Variants in MAPKAP1 observed in about 807,000 individuals in gnomAD.
MAPKAP1 encodes MAPK associated protein 1, also known as target of rapamycin complex 2 subunit MAPKAP1.
MAPKAP1 carries 20 observed loss-of-function variants against 65.7 expected under a neutral mutation model. The ratio of observed to expected loss-of-function variants is 0.30; its 90% confidence interval spans 0.21 to 0.44. MAPKAP1 has a LOEUF of 0.44. MAPKAP1 is among the 20% of genes least tolerant of loss of function. MAPKAP1 has a pLI of 1.00. For missense variants in MAPKAP1, 423 were observed against 648.0 expected, an observed-to-expected ratio of 0.65 and a Z score of 3.77; for synonymous variants, 222 against 244.3, an observed-to-expected ratio of 0.91 and a Z score of 0.85.
In MAPKAP1 at chr9:125,563,866, C is replaced by T. The variant is rs147663647; in HGVS notation, c.672-4057G>A. Among the ~76,000 whole-genome samples, 271 of 152,312 alleles carry T rather than the reference C, an allele frequency of 1.8e-3. 1 individual carries two copies. The highest frequency in any genetic ancestry group is 2.4e-3 in the Non-Finnish European group (165 of 68,018). On this transcript the variant is annotated intron_variant, in intron 5 of 11. Coordinates refer to ENST00000265960, the MANE Select transcript of MAPKAP1 (RefSeq NM_001006617.3). ...CAAGTGGGATTATAGGTGCCTGCCA[C>T]CACACCTGGCTAATTTTTGTATTTT...
At chr9:125,463,015 G>C (rs993966826) in intron 10 of MAPKAP1, among the ~76,000 whole-genome samples, 2 of 152,194 alleles carry the variant, frequency 1.3e-5, no homozygotes, top group African/African-American at 2.4e-5. Flanking sequence ...CCAAGCTCTG[G>C]TTCAGCTCTA....
At chr9:125,646,740 T>C (rs1301941703) in intron 4 of MAPKAP1, among the ~76,000 whole-genome samples, 1 of 152,226 alleles carries the variant, frequency 6.6e-6, no homozygotes, top group Non-Finnish European at 1.5e-5. Flanking sequence ...ATACCATAAT[T>C]AGGAAGAGAA....
chr9:125,469,693 A>T (rs1853825290), intron 9 of MAPKAP1, among the ~76,000 whole-genome samples: 2 of 152,208 alleles, frequency 1.3e-5, no homozygotes, highest in African/African-American at 4.8e-5. Flanking sequence ...CTATTTCAGG[A>T]ACACCATATT....
intron 11 of MAPKAP1, among the ~76,000 whole-genome samples, chr9:125,442,128 C>CA (rs71492449): frequency 0.52 from 20,058 of 38,574 alleles, 6,423 homozygotes; most frequent in Non-Finnish European, 0.57. Context: ...GACTCTGTCT[C>CA]AAAAAAAAAA....
intron 1 of MAPKAP1, among the ~76,000 whole-genome samples, chr9:125,679,988 T>C (rs1241245322): frequency 6.6e-6 from 1 of 152,236 alleles, no homozygotes; most frequent in African/African-American, 2.4e-5. Context: ...TTTATAAGAC[T>C]GTTAATGGTT....
At chr9:125,683,477 C>T (rs1834883614) in intron 1 of MAPKAP1, among the ~76,000 whole-genome samples, 1 of 152,180 alleles carries the variant, frequency 6.6e-6, no homozygotes, top group African/African-American at 2.4e-5. Context: ...TGTTATGGAA[C>T]TACACATGGC....
rs139327686 is a variant in MAPKAP1 at position 125,703,734 on chromosome 9, T to C, written c.-70+3237A>G. Among the ~76,000 whole-genome samples the C allele has an allele frequency of 3.3e-4, 49 of 146,416 alleles. 1 individual carries two copies. In the East Asian group the frequency reaches 9.6e-3, roughly 29 times the overall value. ...TTGCAGTCAGCCAAGATCATGCCAC[T>C]GCACTCCACCCTGGGTGATAGAGCA... On this transcript the variant is annotated intron_variant, in intron 1 of 11. Transcript: ENST00000265960.
chr9:125,526,604 GT>G (rs1483872442), intron 7 of MAPKAP1, among the ~76,000 whole-genome samples: 1 of 152,168 alleles, frequency 6.6e-6, no homozygotes, highest in Non-Finnish European at 1.5e-5. Flanking sequence ...CATCCAACAT[GT>G]TGAAATGAAT....
chr9:125,462,486 G>C (rs1564519527), intron 10 of MAPKAP1, among the ~76,000 whole-genome samples: 1 of 152,260 alleles, frequency 6.6e-6, no homozygotes, highest in Admixed American at 6.5e-5. Flanking sequence ...GGTGGATTAA[G>C]ACAGCCTCTG....
Position 125,484,460 on chromosome 9 carries a change from G to A in MAPKAP1, c.1190C>T (p.Thr397Ile). 1 of 1,611,638 alleles carries A rather than the reference G, an allele frequency of 6.2e-7. No individual in the cohort carries two copies. The highest frequency in any genetic ancestry group is 1.1e-5 in the South Asian group (1 of 90,286). ...KVSMIHRLRF[T>I]TDVQLGISGD... Reference sequence around the variant, plus strand: ...ACACTTACCTAGCTGTACGTCGGTTGTGAATCGCAGTCTGTGGATCATGCT... The same window carrying A: ...ACACTTACCTAGCTGTACGTCGGTTATGAATCGCAGTCTGTGGATCATGCT... The change falls in exon 9 of 12, where the codon ACA becomes ATA. Residue 397 changes from threonine to isoleucine, a missense_variant. Thr to Ile is a moderately conservative substitution (Grantham distance 89, BLOSUM62 -1). This residue lies in a region of MAPKAP1 where 185 missense variants were observed against 268.1 expected (regional missense o/e 0.69). Transcript: ENST00000265960.
chr9:125,690,124 A>G (rs1267427741), intron 1 of MAPKAP1, among the ~76,000 whole-genome samples: 2 of 152,216 alleles, frequency 1.3e-5, no homozygotes, highest in African/African-American at 2.4e-5. Flanking sequence ...CAAAGAAAAA[A>G]TATCTAAATG....
At chr9:125,610,072 T>A (rs1332291849) in intron 4 of MAPKAP1, among the ~76,000 whole-genome samples, 2 of 152,204 alleles carry the variant, frequency 1.3e-5, no homozygotes, top group Non-Finnish European at 2.9e-5. Flanking sequence ...CCAAAACCAA[T>A]ATATTTGAAA....
chr9:125,547,792 C>G (rs1830471265), intron 6 of MAPKAP1, among the ~76,000 whole-genome samples: 1 of 152,216 alleles, frequency 6.6e-6, no homozygotes, highest in African/African-American at 2.4e-5. Flanking sequence ...CAAAATTTCC[C>G]AAGAGCTCCA....
chr9:125,479,612 G>A (rs183400302), intron 9 of MAPKAP1, among the ~76,000 whole-genome samples: 5 of 150,554 alleles, frequency 3.3e-5, no homozygotes, highest in Non-Finnish European at 7.4e-5. Context: ...GTGGAAAATC[G>A]ACTTAAGTTT....
intron 7 of MAPKAP1, among the ~76,000 whole-genome samples, chr9:125,530,000 T>G (rs1483043971): frequency 6.6e-6 from 1 of 152,248 alleles, no homozygotes; most frequent in Non-Finnish European, 1.5e-5. Flanking sequence ...GAAAGAACTA[T>G]GCAAAATTAC....
intron 10 of MAPKAP1, among the ~76,000 whole-genome samples, chr9:125,451,805 GGA>G (rs1491110391): frequency 1.5e-5 from 2 of 137,644 alleles, no homozygotes; most frequent in South Asian, 4.7e-4. Flanking sequence ...TCTACTCACA[GGA>G]GTTTTTTTTT....
intron 9 of MAPKAP1, among the ~76,000 whole-genome samples, chr9:125,472,329 G>GA (rs1589220105): frequency 6.6e-6 from 1 of 152,196 alleles, no homozygotes; most frequent in East Asian, 1.9e-4. Context: ...GTCAGAAGAT[G>GA]TATTAATAAT....
At chr9:125,590,348 G>T (rs766540558) in intron 4 of MAPKAP1, among the ~76,000 whole-genome samples, 13 of 152,112 alleles carry the variant, frequency 8.5e-5, no homozygotes, top group Non-Finnish European at 1.5e-4. Context: ...ACTGACTATT[G>T]TAACAAGAGC....
chr9:125,593,634 C>T (rs919456550), intron 4 of MAPKAP1, among the ~76,000 whole-genome samples: 2 of 151,812 alleles, frequency 1.3e-5, no homozygotes, highest in Non-Finnish European at 2.9e-5. Flanking sequence ...TGCACTTCTG[C>T]CTGGGACAGA....
Sources: gnomAD v4.1 joint callset for allele counts (sites outside exome capture counted in the v4.1 genomes callset) on GRCh38, gnomAD v4.1.1 for gene constraint, gnomAD v4.1.1 regional missense constraint, MANE v1.5 for transcripts, NCBI Gene and HGNC (gene_info 2026-07-23, HGNC 2026-07-21) for gene names.